NR6A1: variants seen among roughly 807,000 people sequenced by gnomAD.
The protein encoded by NR6A1 is retinoic acid receptor-related testis-associated receptor.
A neutral mutation model predicts 59.1 loss-of-function variants in NR6A1; 7 were observed. That is an observed-to-expected ratio of 0.12 (90% CI 0.07 to 0.22). The LOEUF (loss-of-function observed/expected upper bound fraction) is 0.22, where lower values mean the gene tolerates loss of function less well. NR6A1 is among the 10% of genes least tolerant of loss of function. The probability of loss-of-function intolerance (pLI) is 1.00; values close to 1 mark genes in which losing one functional copy is unlikely to be tolerated. For synonymous variants in NR6A1, 243 were observed against 236.1 expected (o/e 1.03, Z -0.27); for missense variants, 468 against 611.6 (o/e 0.77, Z 2.48).
intron 2 of NR6A1, among the ~76,000 whole-genome samples, chr9:124,555,940 G>A (rs553509080): frequency 6.6e-6 from 1 of 152,328 alleles, no homozygotes; most frequent in South Asian, 2.1e-4. Flanking sequence ...AGCTTTCGAA[G>A]GCAATGTTAG....
At chr9:124,568,601 C>T (rs970211919) in intron 2 of NR6A1, among the ~76,000 whole-genome samples, 1 of 151,756 alleles carries the variant, frequency 6.6e-6, no homozygotes, top group African/African-American at 2.4e-5. Context: ...ACAAGTTAAA[C>T]ATTTGTGTAT....
intron 1 of NR6A1, among the ~76,000 whole-genome samples, chr9:124,747,696 T>G (rs1164588363): frequency 1.3e-5 from 2 of 151,960 alleles, no homozygotes; most frequent in African/African-American, 4.8e-5. Flanking sequence ...CCAACTCTCA[T>G]CCCCCAAGCC....
At chr9:124,719,014 A>C (rs755514712) in intron 2 of NR6A1, among the ~76,000 whole-genome samples, 2 of 151,906 alleles carry the variant, frequency 1.3e-5, no homozygotes, top group African/African-American at 4.8e-5. Flanking sequence ...ATGCTAAAAG[A>C]AGCATCTGTA....
chr9:124,723,795 T>C (rs751460702), intron 2 of NR6A1, among the ~76,000 whole-genome samples: 6 of 152,220 alleles, frequency 3.9e-5, no homozygotes, highest in Non-Finnish European at 8.8e-5. Flanking sequence ...ACTGTCCTCA[T>C]TTCATAGATG....
At chr9:124,601,203 G>A (rs35841361) in intron 2 of NR6A1, among the ~76,000 whole-genome samples, 3,662 of 152,178 alleles carry the variant, frequency 0.024, 57 homozygotes, top group Non-Finnish European at 0.037. Flanking sequence ...TTGAGCCCCG[G>A]AGACGGAGGT....
At chr9:124,682,386 A>G (rs1031089581) in intron 2 of NR6A1, among the ~76,000 whole-genome samples, 2 of 152,200 alleles carry the variant, frequency 1.3e-5, no homozygotes, top group Non-Finnish European at 2.9e-5. Context: ...CTGACTATTA[A>G]AAAATCTTTT....
chr9:124,608,659 A>G (rs1835644814), intron 2 of NR6A1, among the ~76,000 whole-genome samples: 1 of 152,236 alleles, frequency 6.6e-6, no homozygotes, highest in Admixed American at 6.5e-5. Flanking sequence ...GTATATACCC[A>G]GTAATGGAAT....
intron 2 of NR6A1, among the ~76,000 whole-genome samples, chr9:124,714,279 A>G (rs1694682578): frequency 6.6e-6 from 1 of 152,226 alleles, no homozygotes; most frequent in Admixed American, 6.5e-5. Context: ...CAGTTTTGCA[A>G]TATGAGAAGA....
intron 1 of NR6A1, among the ~76,000 whole-genome samples, chr9:124,769,646 TCA>T (rs1047938742): frequency 1.3e-5 from 2 of 152,250 alleles, no homozygotes; most frequent in African/African-American, 4.8e-5. Flanking sequence ...CCTAGATCTC[TCA>T]GAGAACTGCG....
chr9:124,750,549 A>G (rs1411475486), intron 1 of NR6A1, among the ~76,000 whole-genome samples: 1 of 152,162 alleles, frequency 6.6e-6, no homozygotes, highest in Non-Finnish European at 1.5e-5. Context: ...TCACGAGGTC[A>G]GGAGAACGAG....
At chr9:124,671,872 C>G (rs188859904) in intron 2 of NR6A1, among the ~76,000 whole-genome samples, 1 of 152,108 alleles carries the variant, frequency 6.6e-6, no homozygotes, top group Non-Finnish European at 1.5e-5. Flanking sequence ...AACAGTTCAA[C>G]GAACTTTTAC....
chr9:124,567,449 T>C (rs1185581124), intron 2 of NR6A1, among the ~76,000 whole-genome samples: 2 of 152,152 alleles, frequency 1.3e-5, no homozygotes, highest in Non-Finnish European at 2.9e-5. Flanking sequence ...CAACGAAGAC[T>C]GCATTGTCAA....
At chr9:124,622,160 G>A (rs898069560) in intron 2 of NR6A1, among the ~76,000 whole-genome samples, 3 of 152,190 alleles carry the variant, frequency 2.0e-5, no homozygotes, top group Non-Finnish European at 4.4e-5. Context: ...AGGTTGCACT[G>A]AGCTGAGATC....
intron 2 of NR6A1, among the ~76,000 whole-genome samples, chr9:124,565,658 A>G (rs1834219593): frequency 6.6e-6 from 1 of 152,202 alleles, no homozygotes; most frequent in South Asian, 2.1e-4. Flanking sequence ...CAGTAGAAAA[A>G]TGTGTGAGAC....
At chr9:124,648,576 G>C (rs1837004097) in intron 2 of NR6A1, among the ~76,000 whole-genome samples, 1 of 151,978 alleles carries the variant, frequency 6.6e-6, no homozygotes, top group South Asian at 2.1e-4. Flanking sequence ...AAATAGTACT[G>C]AATGTATAAG....
intron 4 of NR6A1, among the ~76,000 whole-genome samples, chr9:124,543,390 G>C (rs188051435): frequency 6.6e-6 from 1 of 152,164 alleles, no homozygotes; most frequent in Non-Finnish European, 1.5e-5. Context: ...GGATTGAATG[G>C]GGGTATTATC....
At chr9:124,740,005 A>G (rs942347498) in intron 1 of NR6A1, among the ~76,000 whole-genome samples, 14 of 152,148 alleles carry the variant, frequency 9.2e-5, no homozygotes, top group African/African-American at 3.4e-4. Context: ...CTAATCAACT[A>G]TCTCTTTCTA....
chr9:124,662,286 T>C (rs555329683), intron 2 of NR6A1, among the ~76,000 whole-genome samples: 1 of 152,316 alleles, frequency 6.6e-6, no homozygotes, highest in South Asian at 2.1e-4. Flanking sequence ...AGTTTCATGG[T>C]ATCACAGCAA....
chr9:124,655,966 T>C (rs543172662), intron 2 of NR6A1, among the ~76,000 whole-genome samples: 46 of 152,282 alleles, frequency 3.0e-4, no homozygotes, highest in Non-Finnish European at 6.2e-4. Context: ...TCCCCCCTCA[T>C]TGAGTCTCAT....
Sources: allele counts gnomAD v4.1 joint callset (sites outside exome capture counted in the v4.1 genomes callset), GRCh38; gene constraint gnomAD v4.1.1; transcripts MANE v1.5; gene names NCBI Gene and HGNC (gene_info 2026-07-23, HGNC 2026-07-21).